The following WDR19 variants were observed in gnomAD, a reference collection of about 807,000 sequenced individuals.
WDR19 encodes the protein WD repeat domain 19, also known as WD repeat-containing protein 19.
Under a neutral mutation model 180.0 loss-of-function variants are expected in WDR19, and 121 were observed. The ratio of observed to expected loss-of-function variants is 0.67; its 90% CI spans 0.58 to 0.78. The LOEUF (loss-of-function observed/expected upper bound fraction) is 0.78, where lower values mean the gene tolerates loss of function less well. Among genes scored for constraint, WDR19 ranks in the 30% least tolerant of loss-of-function variants. The probability of loss-of-function intolerance (pLI) is 0.00; values close to 1 mark genes in which losing one functional copy is unlikely to be tolerated. For synonymous variants in WDR19, 497 were observed against 540.7 expected, an observed-to-expected ratio of 0.92 and a Z score of 1.12; for missense variants, 1,450 against 1,640.7, an observed-to-expected ratio of 0.88 and a Z score of 2.01.
At chr4:39,270,137 A>G (rs755615299) in intron 31 of WDR19, 37 bp downstream of exon 31, 25 of 1,608,288 alleles carry the variant, frequency 1.6e-5, no homozygotes, top group African/African-American at 5.4e-5. Flanking sequence ...ATAACCTGCC[A>G]GGTGTTTGTC....
At chr4:39,280,119 G>GTTTTTTTTTTTT (rs551041321) in intron 36 of WDR19, among the ~76,000 whole-genome samples, 1 of 53,974 alleles carries the variant, frequency 1.9e-5, no homozygotes, top group African/African-American at 6.3e-5. Context: ...CCCTTTTCTT[G>GTTTTTTTTTTTT]TTTTTTTTTT....
intron 4 of WDR19, among the ~76,000 whole-genome samples, chr4:39,192,010 C>G (rs148389071): frequency 6.6e-6 from 1 of 152,128 alleles, no homozygotes; most frequent in Non-Finnish European, 1.5e-5. Flanking sequence ...GCCTTATATC[C>G]TAAGAGAATA....
At chr4:39,231,343 G>C (rs1730840817) in intron 17 of WDR19, among the ~76,000 whole-genome samples, 1 of 150,548 alleles carries the variant, frequency 6.6e-6, no homozygotes, top group Non-Finnish European at 1.5e-5. Context: ...AAAAAGAGTG[G>C]GCTGATCAGT....
At chr4:39,230,726 A>G (rs766581724) in intron 17 of WDR19, among the ~76,000 whole-genome samples, 6 of 152,168 alleles carry the variant, frequency 3.9e-5, no homozygotes, top group Non-Finnish European at 7.3e-5. Context: ...TTTTTGTATC[A>G]TGTTTCCAAG....
intron 14 of WDR19, among the ~76,000 whole-genome samples, chr4:39,220,870 A>ATTTTTTTTTTT (rs34845614): frequency 3.3e-5 from 2 of 60,648 alleles, no homozygotes; most frequent in Non-Finnish European, 6.1e-5. Context: ...CTGCTAATTA[A>ATTTTTTTTTTT]TTTTTTTTTT....
At chr4:39,184,031 T>C (rs1322354126) in intron 1 of WDR19, among the ~76,000 whole-genome samples, 1 of 152,216 alleles carries the variant, frequency 6.6e-6, no homozygotes, top group Non-Finnish European at 1.5e-5. Flanking sequence ...TGAGTTTCTT[T>C]ATGCTCTATA....
intron 5 of WDR19, among the ~76,000 whole-genome samples, chr4:39,196,488 C>A (rs1429548047): frequency 6.6e-6 from 1 of 152,200 alleles, no homozygotes; most frequent in Non-Finnish European, 1.5e-5. Context: ...CTCATACTCT[C>A]CATAACTAAT....
chr4:39,211,767 G>C (rs575465574), intron 9 of WDR19, among the ~76,000 whole-genome samples: 5 of 152,106 alleles, frequency 3.3e-5, no homozygotes, highest in African/African-American at 4.8e-5. Flanking sequence ...GATCAAATTA[G>C]ACCCAAATAA....
intron 9 of WDR19, among the ~76,000 whole-genome samples, chr4:39,211,929 CAGAGAGAGAGAGAGAG>C (rs60128786): frequency 0.38 from 51,665 of 135,170 alleles, 11,425 homozygotes; most frequent in East Asian, 0.61. Context: ...TATAGACAGA[CAGAGAGAGAGAGAGAG>C]AGAGAGAGAG....
At chr4:39,268,734 G>A (rs1735050046) in intron 30 of WDR19, among the ~76,000 whole-genome samples, 1 of 152,142 alleles carries the variant, frequency 6.6e-6, no homozygotes, top group Admixed American at 6.5e-5. Context: ...CCTGTCAGAT[G>A]CGTGCTAGGA....
chr4:39,205,025 A>G (rs1270329605), intron 7 of WDR19, 129 bp from the exon 8 acceptor site: 1 of 624,630 alleles, frequency 1.6e-6, no homozygotes, highest in Non-Finnish European at 2.8e-6. Flanking sequence ...TGTACTAGTT[A>G]CAGCATTTAG....
intron 1 of WDR19, among the ~76,000 whole-genome samples, chr4:39,184,260 AT>A (rs1271831794): frequency 1.3e-5 from 2 of 151,766 alleles, no homozygotes; most frequent in African/African-American, 4.8e-5. Flanking sequence ...TATTTTTAAA[AT>A]TAGCCGGGCG....
intron 26 of WDR19, 114 bp downstream of exon 26, chr4:39,254,144 G>T: frequency 9.3e-7 from 1 of 1,075,164 alleles, no homozygotes; most frequent in Non-Finnish European, 1.3e-6. Flanking sequence ...TGGTGTAAAT[G>T]TTTACCATTT....
chr4:39,218,653 G>A (rs1729339138), intron 14 of WDR19: 1 of 152,172 alleles, frequency 6.6e-6, no homozygotes, highest in Non-Finnish European at 1.5e-5. Flanking sequence ...TATCAACACT[G>A]TACACTTAGG....
chr4:39,273,099 T>C (rs1334929117), intron 32 of WDR19, 38 bp downstream of exon 32: 1 of 1,499,790 alleles, frequency 6.7e-7, no homozygotes, highest in Non-Finnish European at 9.1e-7. Flanking sequence ...CCATGCCCCA[T>C]GCCCCATGCC....
intron 5 of WDR19, among the ~76,000 whole-genome samples, chr4:39,196,092 T>G (rs1726720073): frequency 6.6e-6 from 1 of 152,274 alleles, no homozygotes; most frequent in African/African-American, 2.4e-5. Flanking sequence ...TCTTCCTACT[T>G]GTCATTGTAT....
At chr4:39,260,354 T>C (rs80149030) in intron 28 of WDR19, among the ~76,000 whole-genome samples, 1 of 150,440 alleles carries the variant, frequency 6.6e-6, no homozygotes, top group Non-Finnish European at 1.5e-5. Flanking sequence ...TTTTTTTTTT[T>C]TGAGACAGAG....
chr4:39,188,600 C>T (rs1725810952), intron 3 of WDR19, among the ~76,000 whole-genome samples: 1 of 135,772 alleles, frequency 7.4e-6, no homozygotes, highest in African/African-American at 2.8e-5. Context: ...GCCTGGGCGG[C>T]AGAGCCAGAC....
At chr4:39,234,353 A>G (rs1416963571) in intron 19 of WDR19, among the ~76,000 whole-genome samples, 4 of 152,216 alleles carry the variant, frequency 2.6e-5, no homozygotes, top group East Asian at 1.9e-4. Flanking sequence ...AGAAAAACAC[A>G]CCAATTCCTA....
Sources: allele counts gnomAD v4.1 joint callset (sites outside exome capture counted in the v4.1 genomes callset), GRCh38; gene constraint gnomAD v4.1.1; transcripts MANE v1.5; gene names NCBI Gene and HGNC (gene_info 2026-07-23, HGNC 2026-07-21).